ZNF101: variants seen among roughly 807,000 people sequenced by gnomAD.
The protein encoded by ZNF101 is zinc finger protein 101, also known as zinc finger protein 101 (Y2).
A neutral mutation model predicts 42.6 loss-of-function variants in ZNF101; 34 were observed. That is an observed-to-expected ratio of 0.80 (90% CI 0.61 to 1.06). ZNF101 has a LOEUF of 1.06. Ranked by LOEUF, ZNF101 falls within the 50% of genes least tolerant of loss-of-function variation. The pLI, the probability that ZNF101 is intolerant of heterozygous loss-of-function variation, is 0.00. For synonymous variants in ZNF101, 158 were observed against 183.9 expected (o/e 0.86, Z 1.14); for missense variants, 466 against 530.9 (o/e 0.88, Z 1.20).
rs1346075776 is a variant in ZNF101, at chr19:19,681,436, A to G, written c.*1136A>G. 4.6e-5 allele frequency: 7 copies of G among 152,194 alleles called. No individual in the cohort carries two copies. Among genetic ancestry groups the G allele is most frequent in the African/African-American group, 1.7e-4 (7 of 41,438 alleles). 9.4% of individuals were successfully genotyped at this position (152,194 alleles called of 1,614,324 possible). ...GTTAGTAGTTTGGAAAATACAGGAA[A>G]CTTCCATTTTAACAATAATTAAAAT... On this transcript the variant is annotated 3_prime_UTR_variant, in exon 4 of 4. Transcript: ENST00000592502.
At chr19:19,672,088 T>TAA (rs2062174079) in intron 1 of ZNF101, 6 of 148,052 alleles carry the variant, frequency 4.1e-5, no homozygotes, top group Middle Eastern at 3.6e-3. Context: ...TATATATATA[T>TAA]ATAAATTATA....
chr19:19,672,979 C>T (rs961213076), intron 1 of ZNF101, among the ~76,000 whole-genome samples: 1 of 151,884 alleles, frequency 6.6e-6, no homozygotes, highest in African/African-American at 2.4e-5. Flanking sequence ...GAGTCTTGCT[C>T]TATCACCCAG....
rs894027970 is a variant in ZNF101 at position 19,681,654 on chromosome 19, G to A, written c.*1354G>A. On this transcript the variant is annotated 3_prime_UTR_variant, in exon 4 of 4. Transcript: ENST00000592502. The stretch of plus-strand genomic sequence containing the variant: ...AGTCCCAGCTACTCAGGAAGCTGAG[G>A]TGGGAGGATTGCTTGAGTTTGGGAG... 6.6e-6 allele frequency: 1 copy of A among 152,116 alleles called. No individual in the cohort carries two copies. The highest frequency in any genetic ancestry group is 2.4e-5 in the African/African-American group (1 of 41,416). 9.4% of individuals were successfully genotyped at this position (152,116 alleles called of 1,614,324 possible).
rs910092809 is a variant in ZNF101, at chr19:19,668,865, G to A, written c.-99G>A. ...TTCGGGTCCGGGTTTTAGTTCCTCGGGGAGCCCCTGGTGCCCCGGATACGG... is the reference window on the plus strand; with the variant it reads ...TTCGGGTCCGGGTTTTAGTTCCTCGAGGAGCCCCTGGTGCCCCGGATACGG... On this transcript the variant is annotated 5_prime_UTR_variant, in exon 1 of 4. Transcript: ENST00000592502. 1.5e-5 allele frequency: 21 copies of A among 1,442,862 alleles called. 2 individuals are homozygous for A. The South Asian group carries it at 2.4e-4, about 16-fold the overall frequency. The allele number at this position is 1,442,862 out of a possible 1,614,324, so 89.4% of individuals were successfully genotyped here.
chr19:19,668,873 C>A lies in ZNF101; in HGVS notation c.-91C>A. 1 of 1,470,242 alleles carries A rather than the reference C, an allele frequency of 6.8e-7. No individual in the cohort carries two copies. Among genetic ancestry groups the A allele is most frequent in the Non-Finnish European group, 9.1e-7 (1 of 1,093,772 alleles). 91.1% of individuals were successfully genotyped at this position (1,470,242 alleles called of 1,614,324 possible). A position where few individuals can be genotyped will look rare whatever the true frequency, so the allele number is the denominator to read the frequency against. ...CGGGTTTTAGTTCCTCGGGGAGCCC[C>A]TGGTGCCCCGGATACGGCTGATTTT... On this transcript the variant is annotated 5_prime_UTR_variant, in exon 1 of 4. It adds an upstream start codon to the 5' untranslated region. Transcript: ENST00000592502.
chr19:19,679,576 C>T lies in ZNF101; in HGVS notation c.587C>T (p.Ser196Phe). The change falls in exon 4 of 4, where the codon TCC becomes TTC. Residue 196 changes from serine (S) to phenylalanine (F), a missense_variant. Physicochemically the swap from Ser to Phe is radical, Grantham distance 155. Transcript: ENST00000592502. ...CAAAGAACTCACACTGGAAAGAGGT[C>T]CTATAAATGTAGGGAAATAGTGAGA... ...IHQRTHTGKR[S>F]YKCREIVRAF... is the part of the protein sequence containing the mutation. 6.2e-7 allele frequency: 1 copy of T among 1,614,016 alleles called. No individual in the cohort carries two copies. Among genetic ancestry groups the T allele is most frequent in the South Asian group, 1.1e-5 (1 of 91,070 alleles).
At chr19:19,678,864 A>G (rs2062219190) in intron 3 of ZNF101, 78 bp downstream of exon 3, 2 of 1,266,058 alleles carry the variant, frequency 1.6e-6, no homozygotes, top group Non-Finnish European at 2.2e-6. Context: ...AAAAAATACA[A>G]GACAAATAAG....
chr19:19,669,649 A>G (rs2062156774), intron 1 of ZNF101, among the ~76,000 whole-genome samples: 2 of 152,050 alleles, frequency 1.3e-5, no homozygotes, highest in African/African-American at 4.8e-5. Flanking sequence ...GCCCGCCACC[A>G]CGTCCGGCTA....
At chr19:19,671,368 AG>A (rs2062168472) in intron 1 of ZNF101, among the ~76,000 whole-genome samples, 1 of 152,216 alleles carries the variant, frequency 6.6e-6, no homozygotes, top group Admixed American at 6.5e-5. Context: ...GACATCTGAA[AG>A]TGATAGATAC....
chr19:19,671,885 G>A (rs2062172577), intron 1 of ZNF101, among the ~76,000 whole-genome samples: 1 of 151,832 alleles, frequency 6.6e-6, no homozygotes. Context: ...AGTAGGCTTT[G>A]TTCTTTTCTA....
chr19:19,678,125 C>T, intron 2 of ZNF101, 135 bp downstream of exon 2: 1 of 1,301,472 alleles, frequency 7.7e-7, no homozygotes, highest in Non-Finnish European at 1.0e-6. Context: ...GGTACAGTGG[C>T]TTACCCTTGT....
At chr19:19,678,145 G>A (rs2062214176) in intron 2 of ZNF101, among the ~76,000 whole-genome samples, 155 bp downstream of exon 2, 2 of 151,626 alleles carry the variant, frequency 1.3e-5, no homozygotes, top group Non-Finnish European at 2.9e-5. Flanking sequence ...TAATCCTAGT[G>A]CTTTGGGAAG....
chr19:19,669,463 A>G (rs2062155713), intron 1 of ZNF101, among the ~76,000 whole-genome samples: 1 of 152,154 alleles, frequency 6.6e-6, no homozygotes, highest in African/African-American at 2.4e-5. Flanking sequence ...TTCTCCCTCC[A>G]GTACATCCAC....
chr19:19,670,949 C>T (rs2062164724), intron 1 of ZNF101, among the ~76,000 whole-genome samples: 1 of 152,000 alleles, frequency 6.6e-6, no homozygotes, highest in Non-Finnish European at 1.5e-5. Flanking sequence ...ACTAAAAATA[C>T]AAAAAAATTA....
chr19:19,679,497 G>A lies in ZNF101; in HGVS notation c.508G>A (p.Glu170Lys). The change falls in exon 4 of 4, where the codon GAA (glutamate) becomes AAA (lysine). Residue 170 changes from glutamate (E) to lysine (K), a missense_variant. Glu to Lys is a moderately conservative substitution (Grantham distance 56). Coordinates refer to ENST00000592502, the MANE Select transcript of ZNF101 (RefSeq NM_033204.4). The part of the protein sequence containing the change: ...TVTPTRKRPY[E>K]CKVCGKAFNS... ...AACACCAACTCGAAAGAGACCTTAT[G>A]AATGCAAGGTGTGCGGGAAAGCCTT... 1 of 1,614,158 alleles carries A rather than the reference G, an allele frequency of 6.2e-7. No homozygotes were observed. The highest frequency in any genetic ancestry group is 8.5e-7 in the Non-Finnish European group (1 of 1,180,036).
rs1434877525 is a variant in ZNF101, at chr19:19,680,964, A to T, written c.*664A>T. The T allele has an allele frequency of 6.6e-6, 1 of 152,114 alleles. No homozygotes were observed. Among genetic ancestry groups the T allele is most frequent in the South Asian group, 2.1e-4 (1 of 4,818 alleles). 9.4% of individuals were successfully genotyped at this position (152,114 alleles called of 1,614,324 possible). ...GGCCCCATATCTCCAAAGAAAAAAA[A>T]AATTAACTGGGTGAGGTGGTGCATC... On this transcript the variant is annotated 3_prime_UTR_variant, in exon 4 of 4. Coordinates refer to ENST00000592502, the MANE Select transcript of ZNF101 (RefSeq NM_033204.4).
intron 1 of ZNF101, among the ~76,000 whole-genome samples, chr19:19,675,537 C>A (rs1017028660): frequency 6.6e-6 from 1 of 151,964 alleles, no homozygotes; most frequent in African/African-American, 2.4e-5. Context: ...TATGTGTAGA[C>A]ATTTGTCCAC....
chr19:19,668,529 G>GT (rs2062146587), upstream of ZNF101, among the ~76,000 whole-genome samples: 1 of 152,040 alleles, frequency 6.6e-6, no homozygotes. Flanking sequence ...GGACTGTATT[G>GT]TAAGACTGAT....
intron 1 of ZNF101, chr19:19,677,514 A>C (rs1186513890): frequency 5.3e-6 from 1 of 189,900 alleles, no homozygotes; most frequent in Non-Finnish European, 1.1e-5. Context: ...ACCCAGACTC[A>C]GGACTGCTGA....
Sources: allele counts gnomAD v4.1 joint callset (sites outside exome capture counted in the v4.1 genomes callset), GRCh38; gene constraint gnomAD v4.1.1; transcripts MANE v1.5; gene names NCBI Gene and HGNC (gene_info 2026-07-23, HGNC 2026-07-21).